SLC35B1: variants seen among roughly 807,000 people sequenced by gnomAD.
SLC35B1 encodes ATP/ADP exchanger ER.
A neutral mutation model predicts 36.6 loss-of-function variants in SLC35B1; 27 were observed. The observed-to-expected ratio is 0.74, with a 90% CI of 0.54 to 1.02. SLC35B1 has a LOEUF of 1.02. Among genes scored for constraint, SLC35B1 ranks in the 50% least tolerant of loss-of-function variants. The probability of loss-of-function intolerance (pLI) is 0.00; values close to 1 mark genes in which losing one functional copy is unlikely to be tolerated. For synonymous variants in SLC35B1, 162 were observed against 152.5 expected (o/e 1.06, Z -0.46); for missense variants, 321 against 383.2 (o/e 0.84, Z 1.35).
At chr17:49,702,679 GATT>G (rs1331594117) in intron 8 of SLC35B1, 176 bp downstream of exon 8, 2 of 597,736 alleles carry the variant, frequency 3.3e-6, no homozygotes, top group Non-Finnish European at 5.7e-6. Flanking sequence ...AGGCTCACCC[GATT>G]GGTGAGCTGA....
chr17:49,707,141 G>T, intron 1 of SLC35B1, 73 bp from the exon 2 acceptor site: 1 of 1,433,826 alleles, frequency 7.0e-7, no homozygotes. Flanking sequence ...TATATCCCGA[G>T]CCACTGAAAA....
rs750703245 is a variant in SLC35B1, at chr17:49,701,500, A to G, written c.927T>C (p.Leu309=). 1.5e-5 allele frequency: 25 copies of G among 1,613,876 alleles called. No homozygotes were observed. In the East Asian group the frequency reaches 5.6e-4, roughly 36 times the overall value. Residue 309 remains leucine (L), a synonymous_variant, in exon 9 of 9, where the codon CTT becomes CTC. Coordinates refer to ENST00000240333, the MANE Select transcript of SLC35B1 (RefSeq NM_005827.4). ...GTVLVFLGLG[L]DAKFGKGAKK... is the part of the protein sequence containing the mutation. ...TAGCTCCTTTCCCAAACTTGGCATC[A>G]AGACCAAGACCTATGAAAAGGAAGA... is the stretch of plus-strand genomic sequence containing the variant.
chr17:49,707,216 C>T, intron 1 of SLC35B1, 148 bp from the exon 2 acceptor site: 1 of 1,360,414 alleles, frequency 7.4e-7, no homozygotes, highest in Non-Finnish European at 9.9e-7. Flanking sequence ...GGCTCATTTG[C>T]AAAAGGGGCT....
In SLC35B1 at chr17:49,703,270, C is replaced by T; in HGVS notation, c.680G>A (p.Trp227Ter). ...CCTTTCAGCAAAGCTCAAGAACTCC[C>T]AGAGCTCCCCAGTGAACAGGATTCC... ...GMGILFTGEL[W>*]EFLSFAERYP... Residue 227 changes from tryptophan (W) to a stop codon, truncating the protein, a stop_gained, in exon 7 of 9, where the codon TGG becomes TAG. Transcript: ENST00000240333. LOFTEE classifies it high-confidence loss of function. 1.2e-6 allele frequency: 2 copies of T among 1,613,530 alleles called. No individual in the cohort carries two copies. The highest frequency in any genetic ancestry group is 2.2e-5 in the South Asian group (2 of 91,048).
In SLC35B1 at chr17:49,704,222, A is replaced by T; in HGVS notation, c.533T>A (p.Leu178Ter). The T allele has an allele frequency of 6.2e-7, 1 of 1,613,258 alleles. No individual in the cohort carries two copies. Among genetic ancestry groups the T allele is most frequent in the Non-Finnish European group, 8.5e-7 (1 of 1,179,860 alleles). The change falls in exon 6 of 9, where the codon TTA (leucine) becomes TAA (stop). Residue 178 changes from leucine (L) to a stop codon, truncating the protein, a stop_gained. Transcript: ENST00000240333. LOFTEE classifies it high-confidence loss of function. ...AGTCAGTCCATCCAGGGTCAGCGAT[A>T]ATAGCTGGGAAAGAAAGGGTGCAGC... ...TVGYGELLLL[L>*]SLTLDGLTGV...
At chr17:49,702,762 GT>G in intron 8 of SLC35B1, 95 bp downstream of exon 8, 1 of 1,377,238 alleles carries the variant, frequency 7.3e-7, no homozygotes, top group South Asian at 1.4e-5. Context: ...AAAGAGAAAA[GT>G]TTTCTCTAAA....
At chr17:49,706,697 G>A (rs1396929840) in intron 2 of SLC35B1, among the ~76,000 whole-genome samples, 3 of 152,164 alleles carry the variant, frequency 2.0e-5, no homozygotes, top group Non-Finnish European at 4.4e-5. Flanking sequence ...AGAAAAAAAT[G>A]TTTTAAGTAT....
rs201420763 is a variant in SLC35B1 at position 49,706,170 on chromosome 17, C to G, written c.339+34G>C. On this transcript the variant is annotated intron_variant, in intron 3 of 8. Coordinates refer to ENST00000240333, the MANE Select transcript of SLC35B1 (RefSeq NM_005827.4). ...ACTCTTAGTCCTTTTCAAATGATAT[C>G]TGAGCCAACCATCATCCCACCCTGA... The G allele has an allele frequency of 4.5e-6, 7 of 1,547,112 alleles. No individual in the cohort carries two copies. The East Asian group carries it at 1.4e-4, about 30-fold the overall frequency.
At chr17:49,707,680 C>T (rs770229213) in intron 1 of SLC35B1, 50 bp downstream of exon 1, 1 of 1,585,716 alleles carries the variant, frequency 6.3e-7, no homozygotes, top group East Asian at 2.3e-5. Flanking sequence ...GCCCGGGATC[C>T]CTGTCACAGG....
intron 1 of SLC35B1, 26 bp from the exon 2 acceptor site, chr17:49,707,094 A>T (rs2073428571): frequency 1.3e-6 from 2 of 1,572,570 alleles, no homozygotes; most frequent in East Asian, 2.2e-5. Flanking sequence ...ATGAGAAAAG[A>T]GGGAGAAATT....
intron 8 of SLC35B1, 66 bp downstream of exon 8, chr17:49,702,792 T>C (rs1045712642): frequency 6.7e-7 from 1 of 1,493,366 alleles, no homozygotes; most frequent in African/African-American, 1.4e-5. Flanking sequence ...ACAAATTTCA[T>C]AAATATACAA....
At chr17:49,702,613 T>A (rs1031820719) in intron 8 of SLC35B1, 2 of 415,610 alleles carry the variant, frequency 4.8e-6, no homozygotes, top group African/African-American at 4.0e-5. Context: ...ATGCCTGTAA[T>A]CCTAGCTACT....
Position 49,707,893 on chromosome 17 carries a change from G to A in SLC35B1, c.-60C>T. On this transcript the variant is annotated 5_prime_UTR_variant, in exon 1 of 9. Coordinates refer to ENST00000240333, the MANE Select transcript of SLC35B1 (RefSeq NM_005827.4). Reference sequence around the variant, plus strand: ...ACAACCGGCACCGGCAGCAGCGGCGGCGGAGGCGACAGCTCCAGCCGGACA... The same window carrying A: ...ACAACCGGCACCGGCAGCAGCGGCGACGGAGGCGACAGCTCCAGCCGGACA... The A allele has an allele frequency of 6.2e-7, 1 of 1,600,288 alleles. No homozygotes were observed. The highest frequency in any genetic ancestry group is 8.5e-7 in the Non-Finnish European group (1 of 1,174,294).
chr17:49,705,975 T>C, intron 3 of SLC35B1, 79 bp from the exon 4 acceptor site: 2 of 1,473,032 alleles, frequency 1.4e-6, no homozygotes, highest in Non-Finnish European at 1.9e-6. Flanking sequence ...CTGATTAAGA[T>C]GAGTAAGCAC....
At chr17:49,705,974 A>G in intron 3 of SLC35B1, 78 bp from the exon 4 acceptor site, 1 of 1,472,038 alleles carries the variant, frequency 6.8e-7, no homozygotes, top group Non-Finnish European at 9.5e-7. Context: ...ACTGATTAAG[A>G]TGAGTAAGCA....
chr17:49,704,259 T>A, intron 5 of SLC35B1, 33 bp from the exon 6 acceptor site: 1 of 1,608,378 alleles, frequency 6.2e-7, no homozygotes, highest in East Asian at 2.2e-5. Flanking sequence ...TGCAGTGAAG[T>A]GGCCAACAGG....
chr17:49,707,147 G>A, intron 1 of SLC35B1, 79 bp from the exon 2 acceptor site: 2 of 1,433,702 alleles, frequency 1.4e-6, no homozygotes, highest in Non-Finnish European at 1.9e-6. Context: ...CCGAGCCACT[G>A]AAAACTTTAA....
Position 49,701,251 on chromosome 17 carries a change from G to A in SLC35B1, c.*207C>T, listed in dbSNP as rs2073348116. The A allele has an allele frequency of 3.7e-6, 2 of 543,690 alleles. No homozygotes were observed. Among genetic ancestry groups the A allele is most frequent in the Admixed American group, 3.1e-5 (1 of 32,508 alleles). 33.7% of individuals were successfully genotyped at this position (543,690 alleles called of 1,614,324 possible). A position where few individuals can be genotyped will look rare whatever the true frequency, so the allele number is the denominator to read the frequency against. On this transcript the variant is annotated 3_prime_UTR_variant, in exon 9 of 9. Coordinates refer to ENST00000240333, the MANE Select transcript of SLC35B1 (RefSeq NM_005827.4). ...CTCCCTCTTTTATTTACCATAGACT[G>A]CTCCAGGGCATGAAGAACAAAAACC...
At chr17:49,701,738 A>G in intron 8 of SLC35B1, 1 of 459,618 alleles carries the variant, frequency 2.2e-6, no homozygotes. Flanking sequence ...ATAGAGATAC[A>G]GATAGATATA....
Sources: gnomAD v4.1 joint callset for allele counts (sites outside exome capture counted in the v4.1 genomes callset) on GRCh38, gnomAD v4.1.1 for gene constraint, MANE v1.5 for transcripts, NCBI Gene and HGNC (gene_info 2026-07-23, HGNC 2026-07-21) for gene names.